The following DGKZ variants were observed in gnomAD, a reference collection of about 807,000 sequenced individuals.
The protein encoded by DGKZ is diacylglycerol kinase zeta, also known as DAG kinase zeta.
Under a neutral mutation model 142.5 loss-of-function variants are expected in DGKZ, and 45 were observed. That is an observed-to-expected ratio of 0.32 (90% CI 0.25 to 0.40). The LOEUF (loss-of-function observed/expected upper bound fraction) is 0.40, where lower values mean the gene tolerates loss of function less well. DGKZ is among the 10% of genes least tolerant of loss of function. The probability of loss-of-function intolerance (pLI) is 1.00; values close to 1 mark genes in which losing one functional copy is unlikely to be tolerated. For missense variants in DGKZ, 755 were observed against 1,306.5 expected (o/e 0.58, Z 6.51); for synonymous variants, 442 against 527.0 (o/e 0.84, Z 2.21).
chr11:46,369,517 C>T, exon 5 of DGKZ: 1 of 1,613,726 alleles, frequency 6.2e-7, no homozygotes, highest in Non-Finnish European at 8.5e-7. Context: ...GTAAGCCGTC[C>T]TTCCGTGAAT....
intron 1 of DGKZ, among the ~76,000 whole-genome samples, chr11:46,336,333 G>T (rs1033224261): frequency 5.9e-5 from 9 of 152,204 alleles, no homozygotes; most frequent in African/African-American, 9.6e-5. Flanking sequence ...GGCAGGGGAG[G>T]GGGGAAGGGC....
At position 46,379,820 on chromosome 11, in the gene DGKZ, CCCT is replaced by C; in HGVS notation, c.2689-5_2689-3del. 3.7e-6 allele frequency: 6 copies of C among 1,604,660 alleles called. No homozygotes were observed. The highest frequency in any genetic ancestry group is 5.1e-6 in the Non-Finnish European group (6 of 1,176,064). On this transcript the variant is annotated splice_region_variant and splice_polypyrimidine_tract_variant and intron_variant, in intron 30 of 30. Transcript: ENST00000527911. ...CTGGCCCCTGCTGATCGCAGCTCCGCCCTCCTCCAGGGCGACACTCCCCGGCAG... is the reference window on the plus strand; with the variant it reads ...CTGGCCCCTGCTGATCGCAGCTCCGCCCTCCAGGGCGACACTCCCCGGCAG...
At chr11:46,369,163 G>A (rs146888870) in intron 4 of DGKZ, 381 of 385,360 alleles carry the variant, frequency 9.9e-4, no homozygotes, top group African/African-American at 7.5e-3. Context: ...GCAACAGAGC[G>A]AGACTCTGTC....
chr11:46,350,855 C>CT (rs34476722), intron 1 of DGKZ, among the ~76,000 whole-genome samples: 32,634 of 141,290 alleles, frequency 0.23, 4,404 homozygotes, highest in African/African-American at 0.38. Context: ...TGCCATCTCC[C>CT]TTTTTTTTTT....
chr11:46,342,949 C>T (rs964116993), upstream of DGKZ, among the ~76,000 whole-genome samples: 1 of 152,136 alleles, frequency 6.6e-6, no homozygotes, highest in African/African-American at 2.4e-5. Flanking sequence ...CATGGTGAAA[C>T]TCCGTCTCTA....
chr11:46,355,834 C>T (rs1464510737), intron 1 of DGKZ, among the ~76,000 whole-genome samples: 1 of 152,018 alleles, frequency 6.6e-6, no homozygotes, highest in Non-Finnish European at 1.5e-5. Flanking sequence ...GCAACCCCTG[C>T]CTCTGAGGTT....
chr11:46,365,280 A>G (rs1336810609), intron 1 of DGKZ: 1 of 985,316 alleles, frequency 1.0e-6, no homozygotes, highest in East Asian at 1.1e-4. Flanking sequence ...AAGAATGTGC[A>G]GTCACAGGCT....
chr11:46,377,479 A>C, intron 25 of DGKZ: 20 of 489,556 alleles, frequency 4.1e-5, no homozygotes, highest in South Asian at 1.2e-4. Flanking sequence ...CCACCTGAGC[A>C]CTCCTCCCCA....
chr11:46,372,288 G>A lies in DGKZ; in HGVS notation c.927+118G>A, dbSNP rs1944030370. On this transcript the variant is annotated intron_variant, in intron 10 of 30. Coordinates refer to ENST00000527911, the Ensembl canonical transcript of DGKZ. The surrounding 1 kb of genome is among the most constrained non-coding windows in gnomAD (Gnocchi z 5.9). Reference sequence around the variant, plus strand: ...TTCTACCCCAATCCCTCTTTCCCAGGGATCCTGAGAAAATCCTGTCCTTTC... The same window carrying A: ...TTCTACCCCAATCCCTCTTTCCCAGAGATCCTGAGAAAATCCTGTCCTTTC... The A allele has an allele frequency of 7.4e-7, 1 of 1,344,432 alleles. No homozygotes were observed. The allele number at this position is 1,344,432 out of a possible 1,614,324, so 83.3% of individuals were successfully genotyped here.
At chr11:46,349,989 T>A (rs1468334027) in intron 1 of DGKZ, among the ~76,000 whole-genome samples, 1 of 152,160 alleles carries the variant, frequency 6.6e-6, no homozygotes, top group South Asian at 2.1e-4. Context: ...CCATCAAGTT[T>A]GAGAAGCACA....
chr11:46,371,392 G>A lies in DGKZ; in HGVS notation c.642+8G>A. 6.2e-7 allele frequency: 1 copy of A among 1,613,606 alleles called. No individual in the cohort carries two copies. On this transcript the variant is annotated splice_region_variant and intron_variant, in intron 7 of 30. Coordinates refer to ENST00000527911, the Ensembl canonical transcript of DGKZ. The stretch of plus-strand genomic sequence containing the variant: ...TCGTGGTGCAAGCAGGCAGTGAGTG[G>A]TGCCCCCGCCCCCAGGGCCAGGCCC...
chr11:46,360,212 C>CT (rs954519069), intron 1 of DGKZ, among the ~76,000 whole-genome samples: 6 of 151,938 alleles, frequency 3.9e-5, no homozygotes, highest in African/African-American at 7.3e-5. Context: ...TTTTTGCTAA[C>CT]TTTTTTTTAG....
chr11:46,347,354 G>A (rs1435760227), upstream of DGKZ: 1 of 984,486 alleles, frequency 1.0e-6, no homozygotes, highest in African/African-American at 1.8e-5. This position sits in a 1 kb window ranked among gnomAD's most constrained non-coding sequence, Gnocchi z 6.4. Flanking sequence ...GCGGGCGTCC[G>A]GCAGAGGGCG....
exon 22 of DGKZ, chr11:46,376,068 G>C: frequency 4.3e-6 from 7 of 1,612,086 alleles, no homozygotes; most frequent in Non-Finnish European, 5.9e-6. Flanking sequence ...TTCTCCAGCT[G>C]TGCCGCTGGG....
upstream of DGKZ, chr11:46,347,422 C>T (rs1425118805): frequency 2.0e-6 from 2 of 982,872 alleles, no homozygotes; most frequent in South Asian, 4.5e-5. This position sits in a 1 kb window ranked among gnomAD's most constrained non-coding sequence, Gnocchi z 6.4. Context: ...GGGCAGGCAG[C>T]GGCCCGGCCA....
chr11:46,373,732 A>G (rs541897538), intron 14 of DGKZ, among the ~76,000 whole-genome samples: 5 of 152,308 alleles, frequency 3.3e-5, no homozygotes, highest in Admixed American at 2.0e-4. Flanking sequence ...TCCTGACCTC[A>G]GGTGATCCAT....
At position 46,376,310 on chromosome 11, in the gene DGKZ, CT is replaced by C. The variant is rs770144951; in HGVS notation, c.2092-15del. 2.5e-6 allele frequency: 4 copies of C among 1,613,910 alleles called. No individual in the cohort carries two copies. The South Asian group carries it at 4.4e-5, about 18-fold the overall frequency. ...GGCCCCCACTCTATCCCAGCCTGGCCTTTGCTTCTCTCAACAGGAGCCCGAT... is the reference window on the plus strand; with the variant it reads ...GGCCCCCACTCTATCCCAGCCTGGCCTTGCTTCTCTCAACAGGAGCCCGAT... On this transcript the variant is annotated splice_polypyrimidine_tract_variant and intron_variant, in intron 22 of 30. Coordinates refer to ENST00000527911, the Ensembl canonical transcript of DGKZ.
intron 1 of DGKZ, among the ~76,000 whole-genome samples, chr11:46,334,801 A>C (rs1590364232): frequency 6.6e-6 from 1 of 152,180 alleles, no homozygotes; most frequent in African/African-American, 2.4e-5. Flanking sequence ...CCCCTGGGGC[A>C]GGAGGAAGTG....
chr11:46,339,574 G>T (rs1233474682), intron 1 of DGKZ, among the ~76,000 whole-genome samples: 1 of 152,240 alleles, frequency 6.6e-6, no homozygotes, highest in Non-Finnish European at 1.5e-5. Context: ...CCAGGAGAGG[G>T]TCTTATCTGA....
Sources: allele counts gnomAD v4.1 joint callset (sites outside exome capture counted in the v4.1 genomes callset), GRCh38; gene constraint gnomAD v4.1.1; non-coding constraint Gnocchi (gnomAD v3.1); transcripts MANE v1.5; gene names NCBI Gene and HGNC (gene_info 2026-07-23, HGNC 2026-07-21).